The following GPM6A variants were observed in gnomAD, a reference collection of about 807,000 sequenced individuals.
The protein encoded by GPM6A is glycoprotein M6A.
Under a neutral mutation model 32.1 loss-of-function variants are expected in GPM6A, and 7 were observed. The observed-to-expected ratio is 0.22, with a 90% CI of 0.12 to 0.41. The LOEUF is 0.41. Among genes scored for constraint, GPM6A ranks in the 10% least tolerant of loss-of-function variants. The pLI, the probability that GPM6A is intolerant of heterozygous loss-of-function variation, is 1.00. For missense variants in GPM6A, 235 were observed against 347.2 expected (o/e 0.68, Z 2.57); for synonymous variants, 130 against 123.4 (o/e 1.05, Z -0.35).
At chr4:175,872,354 C>T (rs1736938720) in intron 1 of GPM6A, among the ~76,000 whole-genome samples, 1 of 152,164 alleles carries the variant, frequency 6.6e-6, no homozygotes, top group African/African-American at 2.4e-5. Context: ...CAGGAACTTC[C>T]TAAAATTGCT....
At chr4:175,959,757 C>A (rs1225824546) in intron 1 of GPM6A, among the ~76,000 whole-genome samples, 1 of 152,120 alleles carries the variant, frequency 6.6e-6, no homozygotes, top group Admixed American at 6.6e-5. Flanking sequence ...GTGAAAGGAA[C>A]TATTTTAGAG....
At chr4:175,856,308 G>T (rs1009192750) in intron 1 of GPM6A, among the ~76,000 whole-genome samples, 1 of 152,206 alleles carries the variant, frequency 6.6e-6, no homozygotes, top group South Asian at 2.1e-4. Flanking sequence ...ACTTGCAACA[G>T]GGTGTGACTC....
chr4:175,844,324 T>C (rs1736026013), intron 1 of GPM6A, among the ~76,000 whole-genome samples: 1 of 152,208 alleles, frequency 6.6e-6, no homozygotes, highest in Admixed American at 6.5e-5. Flanking sequence ...CCAATGTTAG[T>C]TGAGAAGACA....
chr4:175,979,571 T>G (rs1004585714), intron 1 of GPM6A, among the ~76,000 whole-genome samples: 1 of 152,042 alleles, frequency 6.6e-6, no homozygotes, highest in Non-Finnish European at 1.5e-5. Flanking sequence ...CTGCATGTTG[T>G]GCACATGTAC....
At chr4:175,683,539 TC>T (rs1743802779) in intron 2 of GPM6A, among the ~76,000 whole-genome samples, 1 of 152,122 alleles carries the variant, frequency 6.6e-6, no homozygotes, top group Non-Finnish European at 1.5e-5. Context: ...TGCTTAAATC[TC>T]ATGTTGAATT....
In GPM6A at chr4:175,736,215, T is replaced by A. The variant is rs563842320; in HGVS notation, c.38-34448A>T. Among the ~76,000 whole-genome samples the A allele has an allele frequency of 2.0e-5, 3 of 152,042 alleles. No individual in the cohort carries two copies. The East Asian group carries it at 5.9e-4, about 30-fold the overall frequency. On this transcript the variant is annotated intron_variant, in intron 1 of 6. Transcript: ENST00000393658. ...TTTATGTGTAGAGATGGCATCTTGC[T>A]ATGTTGCTCAGGCTGGTCTGCAACT...
intron 1 of GPM6A, among the ~76,000 whole-genome samples, chr4:175,870,256 T>A (rs1344211869): frequency 7.9e-6 from 1 of 126,236 alleles, no homozygotes; most frequent in Non-Finnish European, 1.6e-5. Context: ...CAAGTCAAAT[T>A]TTTTTTTCAA....
chr4:175,731,168 GA>G (rs1731414263), intron 1 of GPM6A, among the ~76,000 whole-genome samples: 1 of 152,044 alleles, frequency 6.6e-6, no homozygotes, highest in Non-Finnish European at 1.5e-5. Context: ...TTAGAATAAA[GA>G]CAAACTCTCA....
intron 1 of GPM6A, among the ~76,000 whole-genome samples, chr4:175,733,115 T>C (rs971027811): frequency 2.6e-5 from 4 of 152,120 alleles, no homozygotes; most frequent in African/African-American, 9.7e-5. Flanking sequence ...CTGTACAAAA[T>C]CACTGTTTTT....
chr4:175,969,865 A>G (rs1740447649), intron 1 of GPM6A, among the ~76,000 whole-genome samples: 1 of 152,208 alleles, frequency 6.6e-6, no homozygotes, highest in African/African-American at 2.4e-5. Context: ...TCAATTTTCT[A>G]TTAATCTAAA....
chr4:175,743,318 C>T (rs1002014197), intron 1 of GPM6A, among the ~76,000 whole-genome samples: 11 of 150,492 alleles, frequency 7.3e-5, no homozygotes, highest in East Asian at 2.0e-4. Flanking sequence ...GAAATTAGTA[C>T]GTTTTATTTA....
At chr4:175,888,521 A>G (rs977181429) in intron 1 of GPM6A, among the ~76,000 whole-genome samples, 21 of 152,210 alleles carry the variant, frequency 1.4e-4, no homozygotes, top group African/African-American at 5.1e-4. Flanking sequence ...AAGAACACAC[A>G]TTATACATTA....
chr4:175,812,340 T>TTTTTTTTTTTC (rs1734964692), upstream of GPM6A: 2 of 1,279,438 alleles, frequency 1.6e-6, 1 homozygote, highest in Non-Finnish European at 2.0e-6. Flanking sequence ...TTTTTTTTTT[T>TTTTTTTTTTTC]CCTGGGAAGC....
At chr4:175,822,779 T>C (rs1735317720) in intron 1 of GPM6A, among the ~76,000 whole-genome samples, 1 of 152,166 alleles carries the variant, frequency 6.6e-6, no homozygotes, top group Non-Finnish European at 1.5e-5. Flanking sequence ...TCATCTAGGC[T>C]TTAAGACCTG....
At chr4:175,799,152 T>C (rs576941696) in intron 1 of GPM6A, among the ~76,000 whole-genome samples, 1 of 152,330 alleles carries the variant, frequency 6.6e-6, no homozygotes, top group East Asian at 1.9e-4. Flanking sequence ...AATCTTGTTT[T>C]CCTGCCCCAG....
chr4:175,779,744 C>T (rs181529591), intron 1 of GPM6A, among the ~76,000 whole-genome samples: 1 of 152,274 alleles, frequency 6.6e-6, no homozygotes, highest in African/African-American at 2.4e-5. Flanking sequence ...CCTTTGGCAA[C>T]AGATACACCC....
intron 1 of GPM6A, among the ~76,000 whole-genome samples, chr4:175,730,834 A>G (rs1311162699): frequency 6.6e-6 from 1 of 152,094 alleles, no homozygotes; most frequent in African/African-American, 2.4e-5. Flanking sequence ...ACCAAAGTAC[A>G]TGATTCAGTT....
intron 1 of GPM6A, among the ~76,000 whole-genome samples, chr4:175,724,998 A>G (rs1276598946): frequency 6.6e-6 from 1 of 152,060 alleles, no homozygotes; most frequent in African/African-American, 2.4e-5. Context: ...CTTCCCTTAC[A>G]TATCTCCTGA....
chr4:175,933,867 CA>C (rs1180920020), intron 1 of GPM6A, among the ~76,000 whole-genome samples: 1 of 152,036 alleles, frequency 6.6e-6, no homozygotes, highest in African/African-American at 2.4e-5. Context: ...ATAGAAGTCA[CA>C]GAATAGAAAC....
Sources: allele counts gnomAD v4.1 joint callset (sites outside exome capture counted in the v4.1 genomes callset), GRCh38; gene constraint gnomAD v4.1.1; transcripts MANE v1.5; gene names NCBI Gene and HGNC (gene_info 2026-07-23, HGNC 2026-07-21).